Variants in KLHL1 observed in about 807,000 individuals in gnomAD.
KLHL1 encodes kelch-like protein 1.
In KLHL1, 47 loss-of-function variants were observed where a neutral mutation model predicts 77.7. That is an observed-to-expected ratio of 0.60 (90% CI 0.48 to 0.77). The LOEUF is 0.77. KLHL1 is among the 30% of genes least tolerant of loss of function. KLHL1 has a pLI of 0.00. For missense variants in KLHL1, 925 were observed against 910.8 expected (o/e 1.02, Z -0.20); for synonymous variants, 360 against 325.2 (o/e 1.11, Z -1.15).
At chr13:69,866,099 T>C (rs918368224) in intron 5 of KLHL1, among the ~76,000 whole-genome samples, 2 of 152,110 alleles carry the variant, frequency 1.3e-5, no homozygotes, top group African/African-American at 4.8e-5. Context: ...ACTCCCTAAA[T>C]TCTCACCTCA....
chr13:69,760,875 A>C (rs545611541), intron 7 of KLHL1, among the ~76,000 whole-genome samples: 1 of 152,312 alleles, frequency 6.6e-6, no homozygotes, highest in South Asian at 2.1e-4. Context: ...ATTTTAAATT[A>C]TCTTTAGTAA....
At chr13:70,082,364 C>A (rs1008254230) in intron 1 of KLHL1, among the ~76,000 whole-genome samples, 1 of 122,242 alleles carries the variant, frequency 8.2e-6, no homozygotes, top group Non-Finnish European at 1.7e-5. Context: ...CACACACACA[C>A]ACACAAAGGA....
At chr13:70,074,354 T>C (rs1377412257) in intron 1 of KLHL1, among the ~76,000 whole-genome samples, 1 of 152,004 alleles carries the variant, frequency 6.6e-6, no homozygotes, top group Non-Finnish European at 1.5e-5. Flanking sequence ...GGTGATGCCA[T>C]TTGGGCTTTT....
chr13:69,877,208 T>A (rs1880803038), intron 5 of KLHL1, among the ~76,000 whole-genome samples: 1 of 152,164 alleles, frequency 6.6e-6, no homozygotes, highest in Admixed American at 6.6e-5. Flanking sequence ...ACTTTTACAT[T>A]TAAAGCCATT....
intron 8 of KLHL1, among the ~76,000 whole-genome samples, chr13:69,736,872 A>G (rs1352118956): frequency 6.6e-6 from 1 of 152,184 alleles, no homozygotes; most frequent in African/African-American, 2.4e-5. Flanking sequence ...ATACAAAGGC[A>G]TAAGAATGAG....
At chr13:69,925,661 C>T (rs1201418719) in intron 4 of KLHL1, among the ~76,000 whole-genome samples, 6 of 108,928 alleles carry the variant, frequency 5.5e-5, no homozygotes, top group Non-Finnish European at 2.0e-5. Flanking sequence ...ATGATTTTTG[C>T]CCTCTGAAAA....
chr13:69,805,313 T>C (rs941684792), intron 6 of KLHL1, among the ~76,000 whole-genome samples: 2 of 151,978 alleles, frequency 1.3e-5, no homozygotes, highest in African/African-American at 4.8e-5. Flanking sequence ...AGTAGATCTA[T>C]AAATTTTGAA....
chr13:69,781,454 G>C (rs1566245195), intron 7 of KLHL1, among the ~76,000 whole-genome samples: 1 of 152,078 alleles, frequency 6.6e-6, no homozygotes, highest in Non-Finnish European at 1.5e-5. Flanking sequence ...ACCTTTGCCT[G>C]TCGGAAGTTT....
chr13:70,019,968 C>T (rs956474908), intron 1 of KLHL1, among the ~76,000 whole-genome samples: 1 of 152,088 alleles, frequency 6.6e-6, no homozygotes, highest in African/African-American at 2.4e-5. Flanking sequence ...GCTATTCTGC[C>T]TTTTGAAAAC....
chr13:69,790,099 T>C (rs1018270762), intron 7 of KLHL1, among the ~76,000 whole-genome samples: 3 of 152,190 alleles, frequency 2.0e-5, no homozygotes, highest in Admixed American at 6.6e-5. Flanking sequence ...CTAACCATTA[T>C]GTTTCCAAAA....
At chr13:69,969,193 G>A (rs1177869839) in intron 2 of KLHL1, among the ~76,000 whole-genome samples, 1 of 152,006 alleles carries the variant, frequency 6.6e-6, no homozygotes, top group Non-Finnish European at 1.5e-5. Context: ...ACTTAACCAT[G>A]TAATTCATGC....
chr13:70,089,980 T>C (rs138563158), intron 1 of KLHL1, among the ~76,000 whole-genome samples: 123 of 150,434 alleles, frequency 8.2e-4, no homozygotes, highest in Non-Finnish European at 1.4e-3. Context: ...ATAAACCCCA[T>C]TCATATTTTT....
At chr13:70,040,343 C>T (rs1886344814) in intron 1 of KLHL1, among the ~76,000 whole-genome samples, 1 of 152,128 alleles carries the variant, frequency 6.6e-6, no homozygotes, top group African/African-American at 2.4e-5. Context: ...TGAAAACTAC[C>T]TATCGGGCAC....
chr13:70,006,057 G>A (rs762742406), intron 1 of KLHL1, among the ~76,000 whole-genome samples: 9 of 151,638 alleles, frequency 5.9e-5, no homozygotes, highest in African/African-American at 9.7e-5. Context: ...TTCATTCTTC[G>A]CTATTATGAG....
chr13:69,985,676 C>T, intron 1 of KLHL1, among the ~76,000 whole-genome samples: 1 of 150,628 alleles, frequency 6.6e-6, no homozygotes, highest in East Asian at 1.9e-4. Context: ...GAAAATACAT[C>T]TGCAACCCCA....
At chr13:69,937,924 T>C (rs1264991486) in intron 4 of KLHL1, among the ~76,000 whole-genome samples, 1 of 152,164 alleles carries the variant, frequency 6.6e-6, no homozygotes, top group Non-Finnish European at 1.5e-5. Context: ...AAAGTGTTCC[T>C]TATGTATTAA....
intron 10 of KLHL1, among the ~76,000 whole-genome samples, chr13:69,704,380 T>C (rs1273190988): frequency 6.6e-6 from 1 of 151,706 alleles, no homozygotes; most frequent in African/African-American, 2.4e-5. Context: ...GTCTTCCACA[T>C]AGCTCAGGTT....
intron 3 of KLHL1, among the ~76,000 whole-genome samples, chr13:69,951,318 TC>T (rs201428551): frequency 4.0e-5 from 6 of 151,526 alleles, no homozygotes; most frequent in South Asian, 2.1e-4. Flanking sequence ...GCTTATTTTT[TC>T]TTTCCTTTAT....
chr13:70,082,175 C>G (rs1190060348), intron 1 of KLHL1, among the ~76,000 whole-genome samples: 1 of 152,044 alleles, frequency 6.6e-6, no homozygotes, highest in Non-Finnish European at 1.5e-5. Flanking sequence ...TCCTGTACAG[C>G]CTGCAGAAAT....
Sources: allele counts gnomAD v4.1 joint callset (sites outside exome capture counted in the v4.1 genomes callset), GRCh38; gene constraint gnomAD v4.1.1; transcripts MANE v1.5; gene names NCBI Gene and HGNC (gene_info 2026-07-23, HGNC 2026-07-21).